TTBK2: variants seen among roughly 807,000 people sequenced by gnomAD.
The protein encoded by TTBK2 is tau-tubulin kinase 2.
In TTBK2, 28 loss-of-function variants were observed where a neutral mutation model predicts 110.8. The ratio of observed to expected loss-of-function variants is 0.25; its 90% CI spans 0.19 to 0.35. The LOEUF (loss-of-function observed/expected upper bound fraction) is 0.35. TTBK2 is among the 10% of genes least tolerant of loss of function. The pLI is 1.00. For synonymous variants in TTBK2, 532 were observed against 527.3 expected, an observed-to-expected ratio of 1.01 and a Z score of -0.12; for missense variants, 1,369 against 1,500.3, an observed-to-expected ratio of 0.91 and a Z score of 1.45.
chr15:42,826,875 T>C (rs554419065), intron 6 of TTBK2, among the ~76,000 whole-genome samples: 2 of 152,282 alleles, frequency 1.3e-5, no homozygotes, highest in East Asian at 3.9e-4. Flanking sequence ...GGGAGGAAAT[T>C]CACTGAACAT....
intron 6 of TTBK2, among the ~76,000 whole-genome samples, chr15:42,820,987 G>A (rs1401967650): frequency 1.3e-5 from 2 of 151,952 alleles, no homozygotes; most frequent in Non-Finnish European, 2.9e-5. Flanking sequence ...GCTGTAGTGA[G>A]CTGAGATCGT....
intron 13 of TTBK2, among the ~76,000 whole-genome samples, chr15:42,765,267 TTGA>T (rs1889306075): frequency 1.3e-5 from 2 of 152,170 alleles, no homozygotes; most frequent in Admixed American, 6.5e-5. Flanking sequence ...GAGAATGAAT[TTGA>T]TGAGTTGACA....
chr15:42,879,911 C>G (rs1336022003), intron 1 of TTBK2, among the ~76,000 whole-genome samples: 1 of 149,888 alleles, frequency 6.7e-6, no homozygotes, highest in African/African-American at 2.5e-5. Context: ...CGGGGAGGAT[C>G]ACATAAGCCT....
intron 10 of TTBK2, among the ~76,000 whole-genome samples, chr15:42,787,234 G>T (rs1390153592): frequency 6.6e-6 from 1 of 152,182 alleles, no homozygotes; most frequent in African/African-American, 2.4e-5. Flanking sequence ...GACAGAGACA[G>T]CATAGCTCAC....
At chr15:42,791,689 G>A (rs1890692923) in intron 10 of TTBK2, among the ~76,000 whole-genome samples, 1 of 152,138 alleles carries the variant, frequency 6.6e-6, no homozygotes, top group African/African-American at 2.4e-5. Context: ...GGCAGGGGTG[G>A]GTCAGTTCTT....
chr15:42,884,444 C>T (rs989436355), intron 1 of TTBK2, among the ~76,000 whole-genome samples: 4 of 152,096 alleles, frequency 2.6e-5, no homozygotes, highest in Non-Finnish European at 5.9e-5. Flanking sequence ...TTTTTATACT[C>T]GGTTCCTGAA....
At chr15:42,839,162 A>G (rs561706672) in intron 4 of TTBK2, among the ~76,000 whole-genome samples, 15 of 152,178 alleles carry the variant, frequency 9.9e-5, no homozygotes, top group East Asian at 5.8e-4. Context: ...TGTGTACTCA[A>G]TGTTTAGCTC....
rs1048351326 is a variant in TTBK2, at chr15:42,758,808, G to A, written c.1999-5561C>T. 2.6e-5 allele frequency among the ~76,000 whole-genome samples: 4 copies of A among 152,056 alleles called. No individual in the cohort carries two copies. In the East Asian group the frequency reaches 7.7e-4, roughly 29 times the overall value. On this transcript the variant is annotated intron_variant, in intron 13 of 14. Transcript: ENST00000267890. ...CAGAACAGCCTCATCAGCCCTCACTGCCACTGCAAACACCTACAATCCTTA... is the reference window on the plus strand; with the variant it reads ...CAGAACAGCCTCATCAGCCCTCACTACCACTGCAAACACCTACAATCCTTA...
chr15:42,831,963 A>C (rs1032107895), intron 4 of TTBK2, among the ~76,000 whole-genome samples: 17 of 152,238 alleles, frequency 1.1e-4, no homozygotes, highest in African/African-American at 3.9e-4. Context: ...ATATTATTCA[A>C]AATAAAATAC....
At chr15:42,900,591 G>A (rs977440263) in intron 1 of TTBK2, among the ~76,000 whole-genome samples, 2 of 152,020 alleles carry the variant, frequency 1.3e-5, no homozygotes, top group African/African-American at 4.8e-5. Flanking sequence ...GCATGGTGGT[G>A]CGTGCCTATA....
At chr15:42,865,317 G>A (rs912426901) in intron 3 of TTBK2, among the ~76,000 whole-genome samples, 2 of 151,786 alleles carry the variant, frequency 1.3e-5, no homozygotes, top group African/African-American at 4.8e-5. Flanking sequence ...AAAATTAGAT[G>A]GGCACAGTGG....
chr15:42,832,719 A>G (rs1250265155), intron 4 of TTBK2, among the ~76,000 whole-genome samples: 1 of 152,142 alleles, frequency 6.6e-6, no homozygotes, highest in East Asian at 1.9e-4. Context: ...GAAATCTCAT[A>G]CCATCCTGCT....
intron 2 of TTBK2, among the ~76,000 whole-genome samples, chr15:42,874,623 G>A (rs1469725049): frequency 6.6e-6 from 1 of 151,364 alleles, no homozygotes; most frequent in Admixed American, 6.6e-5. Context: ...GGCCGATCCT[G>A]CTTTATTTTC....
intron 5 of TTBK2, among the ~76,000 whole-genome samples, chr15:42,828,405 G>C (rs928858806): frequency 6.7e-6 from 1 of 149,918 alleles, no homozygotes; most frequent in Non-Finnish European, 1.5e-5. Flanking sequence ...AAAAAACCCC[G>C]TAGAAATTTA....
intron 5 of TTBK2, among the ~76,000 whole-genome samples, chr15:42,829,235 A>T (rs1228008294): frequency 1.3e-5 from 2 of 152,230 alleles, no homozygotes; most frequent in Non-Finnish European, 2.9e-5. Flanking sequence ...AAAAGGACAA[A>T]AAAGCCTATT....
At chr15:42,886,787 C>A (rs1316901976) in intron 1 of TTBK2, among the ~76,000 whole-genome samples, 1 of 152,244 alleles carries the variant, frequency 6.6e-6, no homozygotes, top group African/African-American at 2.4e-5. Flanking sequence ...CTTCCTCCCC[C>A]AGGATCTTGC....
At chr15:42,912,073 G>A (rs1169366160) in intron 1 of TTBK2, among the ~76,000 whole-genome samples, 15 of 152,202 alleles carry the variant, frequency 9.9e-5, no homozygotes. Context: ...TGCGGCCCAT[G>A]GGCCGCTGGT....
chr15:42,872,846 T>A, intron 2 of TTBK2, 88 bp from the exon 3 acceptor site: 1 of 1,447,052 alleles, frequency 6.9e-7, no homozygotes, highest in African/African-American at 1.4e-5. Context: ...AGAAAATGTA[T>A]AATTTTATAA....
At chr15:42,811,499 C>T (rs1172166579) in intron 8 of TTBK2, among the ~76,000 whole-genome samples, 189 bp downstream of exon 8, 1 of 152,148 alleles carries the variant, frequency 6.6e-6, no homozygotes, top group Non-Finnish European at 1.5e-5. Context: ...TCCATGTACA[C>T]AGAAAAATCT....
Sources: gnomAD v4.1 joint callset for allele counts (sites outside exome capture counted in the v4.1 genomes callset) on GRCh38, gnomAD v4.1.1 for gene constraint, MANE v1.5 for transcripts, NCBI Gene and HGNC (gene_info 2026-07-23, HGNC 2026-07-21) for gene names.